RAB3GAP1: variants seen among roughly 807,000 people sequenced by gnomAD.
RAB3GAP1 encodes the protein RAB3 GTPase activating protein catalytic subunit 1, also known as rab3 GTPase-activating protein catalytic subunit.
Under a neutral mutation model 130.7 loss-of-function variants are expected in RAB3GAP1, and 86 were observed. The observed-to-expected ratio is 0.66, with a 90% CI of 0.55 to 0.79. RAB3GAP1 has a LOEUF of 0.79. RAB3GAP1 is among the 30% of genes least tolerant of loss of function. The pLI is 0.00. For synonymous variants in RAB3GAP1, 367 were observed against 401.7 expected, an observed-to-expected ratio of 0.91 and a Z score of 1.03; for missense variants, 1,029 against 1,169.4, an observed-to-expected ratio of 0.88 and a Z score of 1.75.
At chr2:135,165,238 A>T in intron 23 of RAB3GAP1, 1 of 439,106 alleles carries the variant, frequency 2.3e-6, no homozygotes, top group East Asian at 7.0e-5. Flanking sequence ...TTGAAAAATT[A>T]TCATAACCAT....
chr2:135,140,831 A>C (rs976500487), intron 17 of RAB3GAP1, among the ~76,000 whole-genome samples: 50 of 152,218 alleles, frequency 3.3e-4, no homozygotes, highest in Middle Eastern at 3.2e-3. Flanking sequence ...CATTTTTATC[A>C]GTTCTGGGAA....
At chr2:135,093,529 C>A in intron 4 of RAB3GAP1, 86 bp from the exon 5 acceptor site, 1 of 981,412 alleles carries the variant, frequency 1.0e-6, no homozygotes, top group Non-Finnish European at 1.6e-6. Flanking sequence ...CATGATCTAG[C>A]AAGACATGTG....
chr2:135,172,517 G>A (rs1237277456), downstream of RAB3GAP1, among the ~76,000 whole-genome samples: 1 of 152,112 alleles, frequency 6.6e-6, no homozygotes, highest in African/African-American at 2.4e-5. Context: ...CTAGTGAGAC[G>A]AGGGGAGGTG....
At chr2:135,117,567 T>TCTTCTG (rs1691033011) in intron 7 of RAB3GAP1, among the ~76,000 whole-genome samples, 1 of 138,156 alleles carries the variant, frequency 7.2e-6, no homozygotes. Context: ...TGCTTCTTCT[T>TCTTCTG]CTGCTTCTTC....
chr2:135,105,805 G>GCCA (rs1690587264), intron 5 of RAB3GAP1, among the ~76,000 whole-genome samples: 1 of 151,490 alleles, frequency 6.6e-6, no homozygotes, highest in African/African-American at 2.4e-5. Flanking sequence ...CTGCCTGGCC[G>GCCA]CCCATCGTCT....
At chr2:135,130,303 T>G (rs905879161) in intron 12 of RAB3GAP1, among the ~76,000 whole-genome samples, 2 of 152,184 alleles carry the variant, frequency 1.3e-5, no homozygotes, top group Non-Finnish European at 2.9e-5. Context: ...AAATGTAAAA[T>G]ATTTTGAAAA....
chr2:135,056,734 T>C (rs1405589822), intron 2 of RAB3GAP1, among the ~76,000 whole-genome samples: 1 of 152,216 alleles, frequency 6.6e-6, no homozygotes, highest in Non-Finnish European at 1.5e-5. Context: ...TTTTCAAACC[T>C]AGTAATTGTC....
At chr2:135,114,236 T>G (rs1443861701) in intron 6 of RAB3GAP1, among the ~76,000 whole-genome samples, 1 of 152,234 alleles carries the variant, frequency 6.6e-6, no homozygotes, top group Admixed American at 6.5e-5. Flanking sequence ...AAAGTTAATT[T>G]TCAGTACCTT....
At chr2:135,141,995 T>TAAGATAA (rs1691857648) in intron 17 of RAB3GAP1, among the ~76,000 whole-genome samples, 1 of 152,256 alleles carries the variant, frequency 6.6e-6, no homozygotes, top group Non-Finnish European at 1.5e-5. Context: ...ACTTTGTTAC[T>TAAGATAA]CTTCAACATT....
intron 7 of RAB3GAP1, among the ~76,000 whole-genome samples, chr2:135,119,486 C>G (rs1045149110): frequency 6.6e-6 from 1 of 152,102 alleles, no homozygotes; most frequent in African/African-American, 2.4e-5. Context: ...TCAAAGTGGC[C>G]TTGTTATGGC....
intron 17 of RAB3GAP1, among the ~76,000 whole-genome samples, chr2:135,145,501 G>C (rs892242879): frequency 3.3e-5 from 5 of 152,072 alleles, no homozygotes; most frequent in Non-Finnish European, 4.4e-5. Context: ...CCTATAAGGA[G>C]TCACAGCATG....
intron 7 of RAB3GAP1, among the ~76,000 whole-genome samples, chr2:135,116,201 T>G (rs1252729717): frequency 6.6e-6 from 1 of 152,220 alleles, no homozygotes; most frequent in Non-Finnish European, 1.5e-5. Flanking sequence ...ATTTGGCCAC[T>G]TAAGTGAGAT....
intron 3 of RAB3GAP1, among the ~76,000 whole-genome samples, chr2:135,070,420 T>C (rs1689435033): frequency 6.6e-6 from 1 of 152,212 alleles, no homozygotes. Flanking sequence ...TACCATGGTA[T>C]ATAATGGGTG....
At chr2:135,163,731 A>C (rs1459460425) in intron 22 of RAB3GAP1, among the ~76,000 whole-genome samples, 1 of 152,230 alleles carries the variant, frequency 6.6e-6, no homozygotes, top group Admixed American at 6.5e-5. Context: ...TGTGTGATAA[A>C]GTGTTCACAA....
chr2:135,126,360 G>A, intron 10 of RAB3GAP1, 111 bp downstream of exon 10: 3 of 999,604 alleles, frequency 3.0e-6, no homozygotes, highest in African/African-American at 1.6e-5. Context: ...TTTGATTTTA[G>A]TGTTCCCTTT....
intron 2 of RAB3GAP1, among the ~76,000 whole-genome samples, chr2:135,056,035 A>G (rs2104818820): frequency 6.6e-6 from 1 of 150,418 alleles, no homozygotes; most frequent in Non-Finnish European, 1.5e-5. Context: ...GCGGGGTTTC[A>G]CTGTGTTAGC....
chr2:135,065,835 ATCTCGGC>A, intron 3 of RAB3GAP1, among the ~76,000 whole-genome samples: 1 of 141,804 alleles, frequency 7.1e-6, no homozygotes, highest in African/African-American at 2.7e-5. Context: ...CAGTTGCGCG[ATCTCGGC>A]TCACTGCAAC....
At chr2:135,167,376 A>G (rs1231067419) in intron 23 of RAB3GAP1, among the ~76,000 whole-genome samples, 1 of 148,946 alleles carries the variant, frequency 6.7e-6, no homozygotes, top group African/African-American at 2.6e-5. Flanking sequence ...CAAGCCATGA[A>G]CACTTTTTTT....
intron 11 of RAB3GAP1, among the ~76,000 whole-genome samples, chr2:135,127,684 TAG>T (rs1346122028): frequency 6.6e-6 from 1 of 152,120 alleles, no homozygotes; most frequent in Admixed American, 6.5e-5. Context: ...AGCCCTTCTA[TAG>T]AGTTGTGTCA....
Sources: allele counts gnomAD v4.1 joint callset (sites outside exome capture counted in the v4.1 genomes callset), GRCh38; gene constraint gnomAD v4.1.1; transcripts MANE v1.5; gene names NCBI Gene and HGNC (gene_info 2026-07-23, HGNC 2026-07-21).